LRFN2: variants seen among roughly 807,000 people sequenced by gnomAD.
The protein encoded by LRFN2 is leucine-rich repeat and fibronectin type-III domain-containing protein 2.
Under a neutral mutation model 37.3 loss-of-function variants are expected in LRFN2, and 18 were observed. The observed-to-expected ratio is 0.48, with a 90% CI of 0.33 to 0.72. The LOEUF (loss-of-function observed/expected upper bound fraction) is 0.72, where lower values mean the gene tolerates loss of function less well. Among genes scored for constraint, LRFN2 ranks in the 30% least tolerant of loss-of-function variants. LRFN2 has a pLI of 0.02. For missense variants in LRFN2, 1,006 were observed against 1,060.7 expected (o/e 0.95, Z 0.72); for synonymous variants, 556 against 466.6 (o/e 1.19, Z -2.47).
At chr6:40,575,349 G>A (rs201083412) in intron 1 of LRFN2, among the ~76,000 whole-genome samples, 3 of 152,274 alleles carry the variant, frequency 2.0e-5, no homozygotes, top group East Asian at 1.9e-4. Flanking sequence ...AAGGGCAAGG[G>A]AACACACAAA....
At chr6:40,519,157 C>G (rs1311842155) in intron 1 of LRFN2, among the ~76,000 whole-genome samples, 1 of 152,228 alleles carries the variant, frequency 6.6e-6, no homozygotes, top group Non-Finnish European at 1.5e-5. Context: ...TTGTTCACAG[C>G]TGTGTTTTCA....
At chr6:40,396,684 C>CTGTGTG (rs1180667268) in intron 2 of LRFN2, among the ~76,000 whole-genome samples, 1 of 121,280 alleles carries the variant, frequency 8.2e-6, no homozygotes, top group African/African-American at 3.6e-5. Context: ...GATTCCTCTG[C>CTGTGTG]TCTGTGTGTG....
In LRFN2 at chr6:40,409,261, G is replaced by A. The variant is rs1013826021; in HGVS notation, c.1401-16349C>T. ...TGTCAGATCAGAAGCTGTATCATAA[G>A]AAGGAACCTGTATCGACCCCCAGGG... On this transcript the variant is annotated intron_variant, in intron 2 of 2. Transcript: ENST00000338305. Among the ~76,000 whole-genome samples the A allele has an allele frequency of 3.9e-5, 6 of 152,190 alleles. No homozygotes were observed. In the East Asian group the frequency reaches 7.7e-4, roughly 20 times the overall value.
chr6:40,444,605 G>A (rs1763923181), intron 1 of LRFN2, among the ~76,000 whole-genome samples: 1 of 152,168 alleles, frequency 6.6e-6, no homozygotes, highest in African/African-American at 2.4e-5. Flanking sequence ...ATGCATAGGA[G>A]TTCTATAAGC....
At chr6:40,477,961 G>A (rs773754488) in intron 1 of LRFN2, among the ~76,000 whole-genome samples, 4 of 152,218 alleles carry the variant, frequency 2.6e-5, no homozygotes, top group South Asian at 2.1e-4. Context: ...GCAGCAAACC[G>A]TGAATATGGT....
rs79587776 is a variant in LRFN2, at chr6:40,475,707, C to T, written c.-18-42576G>A. On this transcript the variant is annotated intron_variant, in intron 1 of 2. Coordinates refer to ENST00000338305, the MANE Select transcript of LRFN2 (RefSeq NM_020737.3). ...CATTTCCTACTCTGTCGACTTCTCA[C>T]TCTTGGCCATTCCACCTTGTACAAT... Among the ~76,000 whole-genome samples, 588 of 152,308 alleles carry T rather than the reference C, an allele frequency of 3.9e-3. 1 individual carries two copies. Among genetic ancestry groups the T allele is most frequent in the African/African-American group, 0.013 (556 of 41,568 alleles).
At chr6:40,439,116 A>G (rs4714346) in intron 1 of LRFN2, among the ~76,000 whole-genome samples, 26,966 of 152,020 alleles carry the variant, frequency 0.18, 3,028 homozygotes, top group East Asian at 0.3. Flanking sequence ...TGTTCCAGAC[A>G]GAAGAGGCAA....
chr6:40,447,149 G>C (rs535411428), intron 1 of LRFN2, among the ~76,000 whole-genome samples: 6 of 152,344 alleles, frequency 3.9e-5, no homozygotes, highest in African/African-American at 1.4e-4. Context: ...TCAGACTGGG[G>C]CTTCCTTATA....
intron 1 of LRFN2, among the ~76,000 whole-genome samples, chr6:40,472,752 C>A (rs1384814160): frequency 1.3e-5 from 2 of 152,124 alleles, no homozygotes; most frequent in Admixed American, 1.3e-4. Flanking sequence ...CCAGGCCTCT[C>A]TCCTGCCTGC....
rs1218041267 is a variant in LRFN2, at chr6:40,392,231, G to C, written c.2082C>G (p.Asp694Glu). Residue 694 changes from aspartate to glutamate, a missense_variant, in exon 3 of 3, where the codon GAC becomes GAG. By Grantham distance (45) the Asp-to-Glu change is conservative. Coordinates refer to ENST00000338305, the MANE Select transcript of LRFN2 (RefSeq NM_020737.3). This position sits in a 1 kb window ranked among gnomAD's most constrained non-coding sequence, Gnocchi z 4.7. ...AGTSARGHHS[D>E]REPLLGPPAA... ...CAGGGGGCCCCAGCAGTGGCTCTCGGTCCGAGTGGTGGCCCCGGGCCGACG... is the reference window on the plus strand; with the variant it reads ...CAGGGGGCCCCAGCAGTGGCTCTCGCTCCGAGTGGTGGCCCCGGGCCGACG... 1.9e-6 allele frequency: 3 copies of C among 1,571,990 alleles called. No homozygotes were observed. Among genetic ancestry groups the C allele is most frequent in the Non-Finnish European group, 2.6e-6 (3 of 1,161,394 alleles).
chr6:40,494,555 A>G (rs1581748567), intron 1 of LRFN2, among the ~76,000 whole-genome samples: 2 of 152,120 alleles, frequency 1.3e-5, no homozygotes, highest in African/African-American at 2.4e-5. Flanking sequence ...TCTCTCCACA[A>G]CTATCCCTGC....
intron 1 of LRFN2, among the ~76,000 whole-genome samples, chr6:40,485,051 G>T (rs528095523): frequency 6.6e-5 from 10 of 152,200 alleles, no homozygotes; most frequent in African/African-American, 2.4e-4. Flanking sequence ...GTCATCACAC[G>T]CCAACCTTGT....
chr6:40,426,626 C>T (rs111410204), intron 2 of LRFN2, among the ~76,000 whole-genome samples: 3,148 of 152,322 alleles, frequency 0.021, 55 homozygotes, highest in Non-Finnish European at 0.033. Flanking sequence ...CCAATGCCTA[C>T]TTCCATGCAC....
intron 2 of LRFN2, among the ~76,000 whole-genome samples, chr6:40,425,953 AGACATTGC>A (rs1054709241): frequency 2.6e-5 from 4 of 152,198 alleles, no homozygotes; most frequent in African/African-American, 9.7e-5. Flanking sequence ...TGATGTTTTC[AGACATTGC>A]TCTTAGCTCT....
chr6:40,398,741 C>T (rs1189903745), intron 2 of LRFN2, among the ~76,000 whole-genome samples: 1 of 151,866 alleles, frequency 6.6e-6, no homozygotes, highest in Non-Finnish European at 1.5e-5. Context: ...AACTGCAACC[C>T]CAAGCACTTA....
intron 1 of LRFN2, among the ~76,000 whole-genome samples, chr6:40,531,296 A>G (rs1766336608): frequency 6.6e-6 from 1 of 152,134 alleles, no homozygotes. Context: ...GTTGTTCATG[A>G]CTGTTGCTGT....
At chr6:40,553,341 A>G (rs1257988255) in intron 1 of LRFN2, among the ~76,000 whole-genome samples, 4 of 152,220 alleles carry the variant, frequency 2.6e-5, no homozygotes, top group Non-Finnish European at 5.9e-5. Flanking sequence ...CCTACCCAGC[A>G]GAGGAAAAAC....
At chr6:40,465,519 C>G (rs79911190) in intron 1 of LRFN2, among the ~76,000 whole-genome samples, 3,674 of 152,246 alleles carry the variant, frequency 0.024, 90 homozygotes, top group East Asian at 0.084. Context: ...GAAGTCACCC[C>G]CAGATAAACT....
chr6:40,413,829 G>T (rs1490802195), intron 2 of LRFN2, among the ~76,000 whole-genome samples: 2 of 151,420 alleles, frequency 1.3e-5, no homozygotes, highest in Non-Finnish European at 1.5e-5. Flanking sequence ...GTTTCCTCTT[G>T]TTCCTCCTTA....
Sources: allele counts gnomAD v4.1 joint callset (sites outside exome capture counted in the v4.1 genomes callset), GRCh38; gene constraint gnomAD v4.1.1; non-coding constraint Gnocchi (gnomAD v3.1); transcripts MANE v1.5; gene names NCBI Gene and HGNC (gene_info 2026-07-23, HGNC 2026-07-21).